Variants in VPS41 observed in about 807,000 individuals in gnomAD.
VPS41 encodes VPS41 subunit of HOPS complex.
A neutral mutation model predicts 130.9 loss-of-function variants in VPS41; 85 were observed. That is an observed-to-expected ratio of 0.65 (90% CI 0.55 to 0.78). The LOEUF (loss-of-function observed/expected upper bound fraction) is 0.78. Ranked by LOEUF, VPS41 falls within the 30% of genes least tolerant of loss-of-function variation. The pLI is 0.00. For missense variants in VPS41, 874 were observed against 1,018.7 expected (o/e 0.86, Z 1.93); for synonymous variants, 335 against 332.9 (o/e 1.01, Z -0.07).
chr7:38,894,377 T>A (rs546258832), intron 2 of VPS41, among the ~76,000 whole-genome samples: 1 of 149,622 alleles, frequency 6.7e-6, no homozygotes, highest in African/African-American at 2.5e-5. Context: ...GTCCATAAAC[T>A]CAGTAGAATC....
At chr7:38,753,016 T>C (rs748922936) in intron 21 of VPS41, among the ~76,000 whole-genome samples, 4 of 152,208 alleles carry the variant, frequency 2.6e-5, no homozygotes, top group African/African-American at 7.2e-5. Flanking sequence ...GAAAAAAAGT[T>C]AACTTCACAG....
rs1352800443 is a variant in VPS41 at position 38,821,217 on chromosome 7, CAA to C, written c.368_369del (p.Phe123Ter). 3.7e-6 allele frequency: 6 copies of C among 1,613,594 alleles called. No individual in the cohort carries two copies. In the African/African-American group the frequency reaches 6.7e-5, roughly 18 times the overall value. ...LYSGEEFHET[F>X]DCPIKIIAVH... Reference sequence around the variant, plus strand: ...TGAATACTTACTTTAATGGGACAGTCAAAAGTCTCGTGAAATTCTTCTCCAGA... The same window carrying C: ...TGAATACTTACTTTAATGGGACAGTCAAGTCTCGTGAAATTCTTCTCCAGA... On this transcript the variant is annotated frameshift_variant, in exon 6 of 29. Transcript: ENST00000310301. LOFTEE classifies it high-confidence loss of function.
chr7:38,860,696 T>A (rs1206703976), intron 4 of VPS41, among the ~76,000 whole-genome samples: 1 of 118,842 alleles, frequency 8.4e-6, no homozygotes, highest in Non-Finnish European at 1.7e-5. Context: ...TAACAATCTG[T>A]TTGTGTGTGT....
At chr7:38,873,488 G>A (rs1451955595) in intron 2 of VPS41, among the ~76,000 whole-genome samples, 2 of 151,886 alleles carry the variant, frequency 1.3e-5, no homozygotes, top group Admixed American at 6.6e-5. Flanking sequence ...GGACTTCCAC[G>A]GTAAACAACC....
intron 5 of VPS41, among the ~76,000 whole-genome samples, chr7:38,827,971 A>G (rs1785312678): frequency 6.6e-6 from 1 of 152,146 alleles, no homozygotes; most frequent in Non-Finnish European, 1.5e-5. Context: ...AATTATTATT[A>G]TTAGTCCAAG....
At chr7:38,799,366 A>G (rs924190921) in intron 7 of VPS41, among the ~76,000 whole-genome samples, 1 of 152,228 alleles carries the variant, frequency 6.6e-6, no homozygotes, top group Non-Finnish European at 1.5e-5. Flanking sequence ...AACATTCTCA[A>G]TCTTTGGGTA....
At chr7:38,745,081 T>C (rs1249345720) in intron 23 of VPS41, among the ~76,000 whole-genome samples, 1 of 152,204 alleles carries the variant, frequency 6.6e-6, no homozygotes, top group Non-Finnish European at 1.5e-5. Context: ...TTGTGACTCA[T>C]GTGGAGGTAG....
At chr7:38,790,818 C>A (rs1389099145) in intron 9 of VPS41, among the ~76,000 whole-genome samples, 3 of 152,172 alleles carry the variant, frequency 2.0e-5, no homozygotes, top group Non-Finnish European at 4.4e-5. Flanking sequence ...CTTAATCAAC[C>A]CCCTTTGGGG....
At chr7:38,764,208 C>A (rs949574726) in intron 16 of VPS41, among the ~76,000 whole-genome samples, 5 of 152,160 alleles carry the variant, frequency 3.3e-5, no homozygotes, top group Non-Finnish European at 7.3e-5. Flanking sequence ...CAGCACAGTG[C>A]TGCAGCAGCA....
intron 4 of VPS41, among the ~76,000 whole-genome samples, chr7:38,860,494 T>C (rs1786082385): frequency 6.6e-6 from 1 of 152,128 alleles, no homozygotes; most frequent in Non-Finnish European, 1.5e-5. Context: ...TTTTGCTTTT[T>C]CTTGACCACC....
intron 27 of VPS41, 68 bp from the exon 28 acceptor site, chr7:38,727,056 G>A (rs572112548): frequency 3.6e-5 from 49 of 1,372,248 alleles, no homozygotes; most frequent in South Asian, 1.3e-4. Flanking sequence ...AACCAATCCC[G>A]ACTGAAAGTC....
chr7:38,813,968 C>A (rs1201925033), intron 7 of VPS41, among the ~76,000 whole-genome samples: 2 of 152,142 alleles, frequency 1.3e-5, no homozygotes. Context: ...AAACCAAACC[C>A]CTGATGTTCT....
chr7:38,735,330 C>CATT (rs1243446531), intron 25 of VPS41, among the ~76,000 whole-genome samples: 3 of 152,132 alleles, frequency 2.0e-5, no homozygotes, highest in Non-Finnish European at 4.4e-5. Context: ...AGAAAGAAGC[C>CATT]ATTATTTCCT....
chr7:38,724,815 C>T lies in VPS41; in HGVS notation c.*1431G>A, dbSNP rs35843038. On this transcript the variant is annotated 3_prime_UTR_variant, in exon 29 of 29. Coordinates refer to ENST00000310301, the MANE Select transcript of VPS41 (RefSeq NM_014396.4). ...CCATGTTGGTCAGGCTGGTCTCGAA[C>T]GTGCGATCTCAGGTGATCCACCTGC... is the stretch of plus-strand genomic sequence containing the variant. 0.058 allele frequency: 8,875 copies of T among 152,392 alleles called. 387 individuals carry two copies. Among genetic ancestry groups the T allele is most frequent in the South Asian group, 0.13 (632 of 4,816 alleles). 9.4% of individuals were successfully genotyped at this position (152,392 alleles called of 1,614,324 possible).
chr7:38,794,518 C>T (rs1193302107), intron 9 of VPS41, among the ~76,000 whole-genome samples: 2 of 152,188 alleles, frequency 1.3e-5, no homozygotes, highest in Non-Finnish European at 2.9e-5. Context: ...TGACAGCTAA[C>T]ATTTATTAAG....
At chr7:38,763,931 A>G (rs1783973778) in intron 16 of VPS41, among the ~76,000 whole-genome samples, 1 of 152,186 alleles carries the variant, frequency 6.6e-6, no homozygotes, top group African/African-American at 2.4e-5. Flanking sequence ...GAGTTTACCA[A>G]CCTTCACCAA....
intron 1 of VPS41, among the ~76,000 whole-genome samples, chr7:38,900,222 G>A (rs1041082392): frequency 7.2e-5 from 11 of 152,158 alleles, no homozygotes; most frequent in African/African-American, 2.4e-4. Flanking sequence ...GCGTCACTGC[G>A]TTCCAGCCTG....
chr7:38,769,071 A>G (rs375743059), intron 14 of VPS41, among the ~76,000 whole-genome samples: 24 of 152,298 alleles, frequency 1.6e-4, no homozygotes, highest in Middle Eastern at 3.4e-3. Context: ...CACATACAGA[A>G]AATTCACTAC....
At chr7:38,818,279 A>G (rs2116105451) in intron 6 of VPS41, among the ~76,000 whole-genome samples, 1 of 151,962 alleles carries the variant, frequency 6.6e-6, no homozygotes, top group African/African-American at 2.4e-5. Context: ...GAAGCCAACT[A>G]ACTCCTTGTC....
Sources: allele counts gnomAD v4.1 joint callset (sites outside exome capture counted in the v4.1 genomes callset), GRCh38; gene constraint gnomAD v4.1.1; transcripts MANE v1.5; gene names NCBI Gene and HGNC (gene_info 2026-07-23, HGNC 2026-07-21).